TMTC2: variants seen among roughly 807,000 people sequenced by gnomAD.
TMTC2 encodes transmembrane O-mannosyltransferase targeting cadherins 2, also known as protein O-mannosyl-transferase TMTC2.
Under a neutral mutation model 82.4 loss-of-function variants are expected in TMTC2, and 43 were observed. That is an observed-to-expected ratio of 0.52 (90% confidence interval 0.41 to 0.67). TMTC2 has a LOEUF of 0.67. Ranked by LOEUF, TMTC2 falls within the 30% of genes least tolerant of loss-of-function variation. The pLI is 0.00. For missense variants in TMTC2, 919 were observed against 1,012.4 expected, an observed-to-expected ratio of 0.91 and a Z score of 1.25; for synonymous variants, 408 against 381.9, an observed-to-expected ratio of 1.07 and a Z score of -0.80.
chr12:82,892,304 ATT>A (rs1480087345), intron 2 of TMTC2, among the ~76,000 whole-genome samples: 1 of 152,052 alleles, frequency 6.6e-6, no homozygotes, highest in East Asian at 1.9e-4. Flanking sequence ...TGTCATTTTC[ATT>A]TTCTCAGTAC....
intron 1 of TMTC2, among the ~76,000 whole-genome samples, chr12:82,731,791 T>C (rs1351069315): frequency 6.6e-6 from 1 of 152,216 alleles, no homozygotes; most frequent in Non-Finnish European, 1.5e-5. Context: ...CAAGGTTCAA[T>C]TTTACATGGA....
At chr12:83,003,726 A>G (rs79402492) in intron 8 of TMTC2, among the ~76,000 whole-genome samples, 7,072 of 152,184 alleles carry the variant, frequency 0.046, 359 homozygotes, top group East Asian at 0.29. Flanking sequence ...TTCTTTAAGG[A>G]TGCTGAAAAT....
intron 1 of TMTC2, among the ~76,000 whole-genome samples, chr12:82,735,585 T>G (rs1216377755): frequency 2.0e-5 from 3 of 151,546 alleles, no homozygotes; most frequent in Non-Finnish European, 4.4e-5. Context: ...GACCTTGTGA[T>G]CCGCCCTCCT....
intron 9 of TMTC2, among the ~76,000 whole-genome samples, chr12:83,036,362 T>A (rs1318316755): frequency 1.3e-5 from 2 of 152,084 alleles, no homozygotes; most frequent in Admixed American, 6.6e-5. Flanking sequence ...ATAGATTTTT[T>A]AAAATTATAA....
chr12:82,960,451 AG>A (rs1565828699), intron 4 of TMTC2, among the ~76,000 whole-genome samples: 1 of 152,168 alleles, frequency 6.6e-6, no homozygotes, highest in Non-Finnish European at 1.5e-5. Context: ...AGCCATAAAA[AG>A]TATATAATTA....
At chr12:82,974,509 CAG>C (rs1213184069) in intron 7 of TMTC2, among the ~76,000 whole-genome samples, 1 of 152,096 alleles carries the variant, frequency 6.6e-6, no homozygotes. Context: ...TCTTGAAAAT[CAG>C]TGTCAAGGAA....
At chr12:83,053,675 A>G (rs1882433343) in intron 10 of TMTC2, among the ~76,000 whole-genome samples, 1 of 152,126 alleles carries the variant, frequency 6.6e-6, no homozygotes, top group Non-Finnish European at 1.5e-5. Context: ...GAAATTTCCA[A>G]TAGACCCATT....
intron 3 of TMTC2, among the ~76,000 whole-genome samples, chr12:82,923,215 T>C (rs1466488938): frequency 1.3e-5 from 2 of 152,236 alleles, no homozygotes; most frequent in Admixed American, 1.3e-4. Context: ...CTTGTTGTTA[T>C]AATTTTCATT....
intron 8 of TMTC2, among the ~76,000 whole-genome samples, chr12:83,027,902 T>C (rs1374841721): frequency 6.6e-6 from 1 of 152,214 alleles, no homozygotes; most frequent in Non-Finnish European, 1.5e-5. Flanking sequence ...CCCTGTTTAC[T>C]GTGACATTGA....
chr12:83,032,823 A>G (rs1881495947), intron 9 of TMTC2, among the ~76,000 whole-genome samples: 1 of 152,146 alleles, frequency 6.6e-6, no homozygotes, highest in African/African-American at 2.4e-5. Context: ...GGCCTCCCAA[A>G]TTGCTGGGGT....
intron 11 of TMTC2, among the ~76,000 whole-genome samples, chr12:83,114,848 A>G (rs1388622239): frequency 6.6e-6 from 1 of 151,666 alleles, no homozygotes; most frequent in Non-Finnish European, 1.5e-5. Flanking sequence ...ATATATATGT[A>G]TATATCTGAT....
intron 11 of TMTC2, among the ~76,000 whole-genome samples, chr12:83,074,176 G>A (rs1026339932): frequency 2.0e-5 from 3 of 152,146 alleles, no homozygotes; most frequent in Admixed American, 6.5e-5. Flanking sequence ...TTCGCTTGAT[G>A]TAGTACTCCT....
chr12:83,090,797 C>A (rs918681591), intron 11 of TMTC2, among the ~76,000 whole-genome samples: 1 of 152,182 alleles, frequency 6.6e-6, no homozygotes, highest in Non-Finnish European at 1.5e-5. Flanking sequence ...GAATTAAGTT[C>A]ACACTTGTCA....
intron 8 of TMTC2, among the ~76,000 whole-genome samples, chr12:83,019,256 T>G (rs1880811970): frequency 6.6e-6 from 1 of 152,186 alleles, no homozygotes; most frequent in Non-Finnish European, 1.5e-5. Flanking sequence ...CTCCTTCTGC[T>G]GACACTGCTG....
intron 7 of TMTC2, among the ~76,000 whole-genome samples, chr12:82,970,909 C>T (rs935311001): frequency 6.6e-6 from 1 of 152,172 alleles, no homozygotes; most frequent in African/African-American, 2.4e-5. Flanking sequence ...TAATAGAGTG[C>T]TTCCTCCAAA....
Position 82,965,773 on chromosome 12 carries a change from C to T in TMTC2, c.1869+29C>T, listed in dbSNP as rs574350659. ...TGGCCAATGCCTCTCTGTCCTTTTC[C>T]CTCCCCCTTGTTCTGATCCAGTCTC... On this transcript the variant is annotated intron_variant, in intron 6 of 11. Transcript: ENST00000321196. 19 of 1,612,046 alleles carry T rather than the reference C, an allele frequency of 1.2e-5. No individual in the cohort carries two copies. In the South Asian group the frequency reaches 1.8e-4, roughly 15 times the overall value.
At chr12:83,045,425 T>A (rs996461522) in intron 9 of TMTC2, among the ~76,000 whole-genome samples, 4 of 152,178 alleles carry the variant, frequency 2.6e-5, no homozygotes, top group African/African-American at 9.7e-5. Flanking sequence ...TTGTGCTTTT[T>A]TAATTTGTAA....
intron 9 of TMTC2, among the ~76,000 whole-genome samples, chr12:83,036,190 G>C (rs1258670458): frequency 6.6e-6 from 1 of 151,992 alleles, no homozygotes; most frequent in Non-Finnish European, 1.5e-5. Flanking sequence ...TTAGCCTCCT[G>C]CTCAGTATTT....
chr12:82,758,811 T>C (rs1286016646), intron 1 of TMTC2: 1 of 152,220 alleles, frequency 6.6e-6, no homozygotes, highest in Non-Finnish European at 1.5e-5. Flanking sequence ...ATCCTTTTGA[T>C]GTAAATATTT....
Sources: gnomAD v4.1 joint callset for allele counts (sites outside exome capture counted in the v4.1 genomes callset) on GRCh38, gnomAD v4.1.1 for gene constraint, MANE v1.5 for transcripts, NCBI Gene and HGNC (gene_info 2026-07-23, HGNC 2026-07-21) for gene names.